Variants in RBM20 observed in about 807,000 individuals in gnomAD.
RBM20 encodes RNA-binding protein 20.
RBM20 carries 51 observed loss-of-function variants against 110.1 expected under a neutral mutation model. The observed-to-expected ratio is 0.46, with a 90% CI of 0.37 to 0.59. RBM20 has a LOEUF of 0.59. Ranked by LOEUF, RBM20 falls within the 20% of genes least tolerant of loss-of-function variation. The pLI, the probability that RBM20 is intolerant of heterozygous loss-of-function variation, is 0.00. For missense variants in RBM20, 1,512 were observed against 1,574.9 expected (o/e 0.96, Z 0.68); for synonymous variants, 589 against 618.2 (o/e 0.95, Z 0.70).
At chr10:110,792,122 T>G (rs1844490482) in intron 5 of RBM20, among the ~76,000 whole-genome samples, 1 of 151,648 alleles carries the variant, frequency 6.6e-6, no homozygotes, top group Admixed American at 6.6e-5. Flanking sequence ...TTTGTCATTT[T>G]CTCTATCTTC....
intron 1 of RBM20, among the ~76,000 whole-genome samples, chr10:110,664,870 G>GTCTCTC: frequency 6.6e-6 from 1 of 150,942 alleles, no homozygotes; most frequent in Non-Finnish European, 1.5e-5. Flanking sequence ...TCCTTCTTCA[G>GTCTCTC]TCTCTCTCTC....
intron 9 of RBM20, among the ~76,000 whole-genome samples, chr10:110,816,257 G>C (rs982868394): frequency 1.3e-5 from 2 of 148,440 alleles, no homozygotes; most frequent in African/African-American, 2.6e-5. Flanking sequence ...ACCCCAACCT[G>C]CTCTTCTCCC....
rs186503281 is a variant in RBM20, at chr10:110,780,580, A to C, written c.192-221A>C. On this transcript the variant is annotated intron_variant, in intron 1 of 13. Transcript: ENST00000369519. ...GTTTTAGTTTATGTTTCTACTTACT[A>C]GTGAGATTGAACGTTCTGTCATATA... is the stretch of plus-strand genomic sequence containing the variant. Among the ~76,000 whole-genome samples, 11 of 150,136 alleles carry C rather than the reference A, an allele frequency of 7.3e-5. No homozygotes were observed. The East Asian group carries it at 2.1e-3, about 29-fold the overall frequency.
At chr10:110,696,506 C>T (rs1180079578) in intron 1 of RBM20, among the ~76,000 whole-genome samples, 2 of 152,216 alleles carry the variant, frequency 1.3e-5, no homozygotes, top group African/African-American at 2.4e-5. Flanking sequence ...GAGCAGTGCA[C>T]AGTCCTCATC....
intron 7 of RBM20, among the ~76,000 whole-genome samples, chr10:110,800,387 T>C (rs563967033): frequency 2.4e-4 from 36 of 152,370 alleles, no homozygotes; most frequent in African/African-American, 8.4e-4. Context: ...AATTGGCCAC[T>C]GTCAGAACTC....
At chr10:110,694,394 G>A (rs1862631552) in intron 1 of RBM20, among the ~76,000 whole-genome samples, 1 of 152,180 alleles carries the variant, frequency 6.6e-6, no homozygotes, top group Admixed American at 6.5e-5. Flanking sequence ...CTTTGTTGGG[G>A]CTGGGCTAGC....
chr10:110,706,152 A>C (rs4918569), intron 1 of RBM20, among the ~76,000 whole-genome samples: 16,861 of 152,190 alleles, frequency 0.11, 1,058 homozygotes, highest in South Asian at 0.15. Context: ...TGTTGTAAAA[A>C]TCTCTAGAGA....
Position 110,757,623 on chromosome 10 carries a change from T to C in RBM20, c.192-23178T>C, listed in dbSNP as rs550403368. 4.6e-5 allele frequency among the ~76,000 whole-genome samples: 7 copies of C among 152,346 alleles called. No homozygotes were observed. The South Asian group carries it at 1.4e-3, about 32-fold the overall frequency. Reference sequence around the variant, plus strand: ...CCATACTGAAGACTGTCTAATGCTATATTAGAGGATATTTTGGTCTTTTGC... The same window carrying C: ...CCATACTGAAGACTGTCTAATGCTACATTAGAGGATATTTTGGTCTTTTGC... On this transcript the variant is annotated intron_variant, in intron 1 of 13. Transcript: ENST00000369519.
chr10:110,714,198 A>G (rs1862982690), intron 1 of RBM20, among the ~76,000 whole-genome samples: 1 of 152,140 alleles, frequency 6.6e-6, no homozygotes, highest in African/African-American at 2.4e-5. Context: ...CCTCTTAAGA[A>G]AGAAAAGAGT....
chr10:110,758,206 A>G (rs754063159), intron 1 of RBM20, among the ~76,000 whole-genome samples: 1 of 151,250 alleles, frequency 6.6e-6, no homozygotes, highest in African/African-American at 2.4e-5. Flanking sequence ...TTTTGTAGAG[A>G]TGGGTTATAC....
chr10:110,728,304 C>A (rs1200414329), intron 1 of RBM20, among the ~76,000 whole-genome samples: 1 of 152,152 alleles, frequency 6.6e-6, no homozygotes, highest in Non-Finnish European at 1.5e-5. Flanking sequence ...TGGCCCAGGG[C>A]CCCTGCCATA....
chr10:110,753,779 T>C (rs970294131), intron 1 of RBM20, among the ~76,000 whole-genome samples: 1 of 152,242 alleles, frequency 6.6e-6, no homozygotes, highest in East Asian at 1.9e-4. Context: ...CTGCAGGTTC[T>C]AGGGGGGAAT....
chr10:110,832,585 A>G (rs4918604), intron 13 of RBM20, among the ~76,000 whole-genome samples: 151,573 of 152,284 alleles, frequency 1, 75,434 homozygotes, highest in Middle Eastern at 1. Context: ...TTTAATAATT[A>G]AGAAAATTGA....
chr10:110,670,074 CTTA>C (rs900594853), intron 1 of RBM20, among the ~76,000 whole-genome samples: 32 of 150,040 alleles, frequency 2.1e-4, no homozygotes, highest in African/African-American at 7.6e-4. Flanking sequence ...TAGTTTCCAC[CTTA>C]TTTTTTTTTT....
intron 1 of RBM20, among the ~76,000 whole-genome samples, chr10:110,656,712 G>A (rs1320165006): frequency 6.6e-6 from 1 of 152,160 alleles, no homozygotes; most frequent in African/African-American, 2.4e-5. Context: ...ATATAAATGG[G>A]ATCACATAAT....
At chr10:110,774,731 C>A (rs1326564153) in intron 1 of RBM20, among the ~76,000 whole-genome samples, 3 of 152,098 alleles carry the variant, frequency 2.0e-5, no homozygotes. Context: ...GTGAGTTAAA[C>A]TAAATTGTCT....
intron 1 of RBM20, among the ~76,000 whole-genome samples, chr10:110,671,745 ATATATG>A (rs1394655550): frequency 5.9e-5 from 9 of 151,978 alleles, no homozygotes; most frequent in African/African-American, 2.2e-4. Context: ...AGATATATAT[ATATATG>A]TATATATATC....
intron 5 of RBM20, among the ~76,000 whole-genome samples, chr10:110,787,597 A>G (rs1266779137): frequency 3.3e-5 from 5 of 152,236 alleles, no homozygotes; most frequent in East Asian, 1.9e-4. Context: ...TGAGGTTCCC[A>G]TGGATGTACT....
At chr10:110,813,481 A>G (rs1322834282) in intron 9 of RBM20, among the ~76,000 whole-genome samples, 2 of 152,154 alleles carry the variant, frequency 1.3e-5, no homozygotes, top group Non-Finnish European at 2.9e-5. Flanking sequence ...AGCCGTCACC[A>G]CCTGCTAAAT....
Sources: allele counts gnomAD v4.1 joint callset (sites outside exome capture counted in the v4.1 genomes callset), GRCh38; gene constraint gnomAD v4.1.1; transcripts MANE v1.5; gene names NCBI Gene and HGNC (gene_info 2026-07-23, HGNC 2026-07-21).